MIPOL1: variants seen among roughly 807,000 people sequenced by gnomAD.
MIPOL1 encodes the protein mirror-image polydactyly gene 1 protein.
In MIPOL1, 57 loss-of-function variants were observed where a neutral mutation model predicts 60.9. The ratio of observed to expected loss-of-function variants is 0.94; its 90% CI spans 0.76 to 1.17. MIPOL1 has a LOEUF of 1.17. Among genes scored for constraint, MIPOL1 ranks in the 50% most tolerant of loss-of-function variants. MIPOL1 has a pLI of 0.00. For synonymous variants in MIPOL1, 179 were observed against 168.8 expected (o/e 1.06, Z -0.47); for missense variants, 551 against 511.6 (o/e 1.08, Z -0.74).
intron 7 of MIPOL1, among the ~76,000 whole-genome samples, chr14:37,287,497 T>G (rs1371709106): frequency 6.6e-6 from 1 of 152,078 alleles, no homozygotes; most frequent in Admixed American, 6.6e-5. Context: ...CATGTGATCC[T>G]CTCACCTTGG....
chr14:37,491,880 C>T (rs967284412), intron 11 of MIPOL1, among the ~76,000 whole-genome samples: 6 of 152,186 alleles, frequency 3.9e-5, no homozygotes, highest in Non-Finnish European at 7.3e-5. Flanking sequence ...GATTAAATTT[C>T]CTCATACACA....
intron 9 of MIPOL1, among the ~76,000 whole-genome samples, chr14:37,312,159 G>C (rs1028123999): frequency 6.6e-6 from 1 of 152,118 alleles, no homozygotes; most frequent in Admixed American, 6.6e-5. Flanking sequence ...CCAAGCTGGA[G>C]TGCAGTGGCA....
intron 11 of MIPOL1, among the ~76,000 whole-genome samples, chr14:37,431,488 A>G (rs2094063513): frequency 6.6e-6 from 1 of 151,318 alleles, no homozygotes; most frequent in South Asian, 2.1e-4. Context: ...ATTTAACAAT[A>G]CCACATTACA....
intron 1 of MIPOL1, among the ~76,000 whole-genome samples, chr14:37,212,605 T>G (rs1966879989): frequency 6.6e-6 from 1 of 152,120 alleles, no homozygotes; most frequent in East Asian, 1.9e-4. Context: ...CTGACTCTTG[T>G]ATGGCACTTC....
intron 9 of MIPOL1, among the ~76,000 whole-genome samples, chr14:37,336,413 C>T (rs191674109): frequency 1.3e-5 from 2 of 148,654 alleles, no homozygotes; most frequent in Admixed American, 1.3e-4. Flanking sequence ...TATATAATGC[C>T]CTCTTTGTCT....
chr14:37,402,186 A>G (rs1009352085), intron 10 of MIPOL1, among the ~76,000 whole-genome samples: 1 of 152,156 alleles, frequency 6.6e-6, no homozygotes, highest in African/African-American at 2.4e-5. Flanking sequence ...ATTAAAATGT[A>G]CTTTCAGAAC....
At chr14:37,237,534 T>C (rs1971681258) in intron 1 of MIPOL1, among the ~76,000 whole-genome samples, 1 of 152,230 alleles carries the variant, frequency 6.6e-6, no homozygotes, top group Non-Finnish European at 1.5e-5. Context: ...TAAAAAATTC[T>C]CTCTGGGATA....
At chr14:37,449,849 G>A (rs931169753) in intron 11 of MIPOL1, among the ~76,000 whole-genome samples, 1 of 151,986 alleles carries the variant, frequency 6.6e-6, no homozygotes, top group Admixed American at 6.6e-5. Flanking sequence ...GTGTCACTCT[G>A]TTGCCCAGGC....
At chr14:37,240,036 T>G (rs979230322) in intron 1 of MIPOL1, among the ~76,000 whole-genome samples, 1 of 152,204 alleles carries the variant, frequency 6.6e-6, no homozygotes, top group African/African-American at 2.4e-5. Flanking sequence ...TTGGTGTTTC[T>G]TTGAGACATG....
chr14:37,472,394 A>G (rs2094701097), intron 11 of MIPOL1, among the ~76,000 whole-genome samples: 2 of 151,048 alleles, frequency 1.3e-5, no homozygotes, highest in South Asian at 4.2e-4. Flanking sequence ...ATAAAAATAT[A>G]TTCATGTTGA....
chr14:37,301,113 G>GTA (rs367726556), intron 7 of MIPOL1, among the ~76,000 whole-genome samples: 4,855 of 13,874 alleles, frequency 0.35, 2,251 homozygotes, highest in African/African-American at 0.42. Context: ...ATGTGTGTGT[G>GTA]TATATATATA....
chr14:37,294,751 T>A (rs1315805714), intron 7 of MIPOL1, among the ~76,000 whole-genome samples: 1 of 151,292 alleles, frequency 6.6e-6, no homozygotes, highest in Non-Finnish European at 1.5e-5. Context: ...GAAGAGAAGT[T>A]TAGAGAAAAA....
chr14:37,497,230 A>T (rs1024762972), intron 11 of MIPOL1, among the ~76,000 whole-genome samples: 4 of 152,234 alleles, frequency 2.6e-5, no homozygotes, highest in Non-Finnish European at 5.9e-5. Context: ...GGACATAGGC[A>T]TGGGCAAGGA....
intron 9 of MIPOL1, among the ~76,000 whole-genome samples, chr14:37,345,032 AT>A (rs1399111498): frequency 1.1e-4 from 16 of 144,366 alleles, no homozygotes; most frequent in African/African-American, 3.5e-4. Flanking sequence ...AAAAAAAAAA[AT>A]AGTGGACAAT....
intron 11 of MIPOL1, among the ~76,000 whole-genome samples, chr14:37,462,957 A>AAAT (rs886325053): frequency 3.3e-5 from 5 of 152,180 alleles, no homozygotes; most frequent in Non-Finnish European, 2.9e-5. Flanking sequence ...ACCTTATTCC[A>AAAT]AAGTCACTTC....
chr14:37,341,838 A>G (rs2090596056), intron 9 of MIPOL1, among the ~76,000 whole-genome samples: 2 of 152,186 alleles, frequency 1.3e-5, no homozygotes, highest in African/African-American at 4.8e-5. Context: ...TACAGTAAAA[A>G]TTTGTTGACA....
chr14:37,285,998 C>A (rs2084532283), intron 7 of MIPOL1, among the ~76,000 whole-genome samples: 1 of 152,166 alleles, frequency 6.6e-6, no homozygotes, highest in Non-Finnish European at 1.5e-5. Context: ...AATACAATTA[C>A]TTTCTTTATT....
intron 12 of MIPOL1, among the ~76,000 whole-genome samples, chr14:37,512,034 T>C (rs910090301): frequency 6.6e-6 from 1 of 152,186 alleles, no homozygotes; most frequent in African/African-American, 2.4e-5. Context: ...GTTCTGCTCA[T>C]CTTAAATTTT....
chr14:37,491,370 A>C (rs887335699), intron 11 of MIPOL1, among the ~76,000 whole-genome samples: 17 of 152,154 alleles, frequency 1.1e-4, no homozygotes, highest in African/African-American at 4.1e-4. Flanking sequence ...CTTTACCAAA[A>C]ATACAAAAAT....
Sources: allele counts gnomAD v4.1 joint callset (sites outside exome capture counted in the v4.1 genomes callset), GRCh38; gene constraint gnomAD v4.1.1; transcripts MANE v1.5; gene names NCBI Gene and HGNC (gene_info 2026-07-23, HGNC 2026-07-21).